The following ATRNL1 variants were observed in gnomAD, a reference collection of about 807,000 sequenced individuals.
The protein encoded by ATRNL1 is attractin-like protein 1.
A neutral mutation model predicts 182.7 loss-of-function variants in ATRNL1; 95 were observed. The observed-to-expected ratio is 0.52, with a 90% CI of 0.44 to 0.62. The LOEUF is 0.62. ATRNL1 is among the 20% of genes least tolerant of loss of function. The pLI, the probability that ATRNL1 is intolerant of heterozygous loss-of-function variation, is 0.00. For synonymous variants in ATRNL1, 576 were observed against 568.3 expected (o/e 1.01, Z -0.19); for missense variants, 1,471 against 1,679.5 (o/e 0.88, Z 2.17).
chr10:115,482,496 TA>T (rs1848814881), intron 24 of ATRNL1, among the ~76,000 whole-genome samples: 1 of 151,168 alleles, frequency 6.6e-6, no homozygotes, highest in African/African-American at 2.4e-5. Flanking sequence ...ATATTTATAA[TA>T]CTGAATCATA....
At chr10:115,887,493 T>A (rs1312452333) in intron 28 of ATRNL1, among the ~76,000 whole-genome samples, 1 of 152,094 alleles carries the variant, frequency 6.6e-6, no homozygotes, top group Non-Finnish European at 1.5e-5. Context: ...GGGCTCTCTT[T>A]TATAAGGGCA....
At chr10:115,923,795 G>A (rs1465436888) in intron 28 of ATRNL1, among the ~76,000 whole-genome samples, 2 of 152,148 alleles carry the variant, frequency 1.3e-5, no homozygotes, top group African/African-American at 4.8e-5. Context: ...GGGTCAAATG[G>A]CATATCTGGT....
chr10:115,461,895 G>T, intron 21 of ATRNL1, 46 bp from the exon 22 acceptor site: 1 of 1,422,716 alleles, frequency 7.0e-7, no homozygotes, highest in Non-Finnish European at 9.7e-7. Context: ...TTTTTAGACA[G>T]TTTTTAAAGT....
intron 7 of ATRNL1, 96 bp from the exon 8 acceptor site, chr10:115,170,941 A>G (rs1847264034): frequency 1.4e-6 from 1 of 718,548 alleles, no homozygotes; most frequent in South Asian, 5.0e-5. Flanking sequence ...GTGAACAATT[A>G]CTAAAATTTT....
intron 26 of ATRNL1, among the ~76,000 whole-genome samples, chr10:115,640,249 T>G (rs571674599): frequency 6.6e-6 from 1 of 152,314 alleles, no homozygotes; most frequent in African/African-American, 2.4e-5. Flanking sequence ...TGTGCATGTG[T>G]CTTTATAGTA....
chr10:115,376,994 GT>G lies in ATRNL1; in HGVS notation c.3176-17662del, dbSNP rs533560576. 9.9e-5 allele frequency among the ~76,000 whole-genome samples: 15 copies of G among 152,174 alleles called. No individual in the cohort carries two copies. In the South Asian group the frequency reaches 3.1e-3, roughly 32 times the overall value. On this transcript the variant is annotated intron_variant, in intron 19 of 28. Transcript: ENST00000355044. The stretch of plus-strand genomic sequence containing the variant: ...TTTCTTGTGTATGATTGAGTCTGCT[GT>G]TTAAACTCTCTATTGTGATTTTCAT...
chr10:115,567,483 A>AT (rs1489557401), intron 26 of ATRNL1, among the ~76,000 whole-genome samples: 2 of 152,118 alleles, frequency 1.3e-5, no homozygotes, highest in Non-Finnish European at 2.9e-5. Context: ...TTATGCAGAA[A>AT]TTTATATCAA....
chr10:115,096,296 T>G (rs1490335571), intron 1 of ATRNL1, among the ~76,000 whole-genome samples: 6 of 152,204 alleles, frequency 3.9e-5, no homozygotes, highest in Non-Finnish European at 7.3e-5. Flanking sequence ...ACGATCTGTG[T>G]TTTTATTATG....
intron 3 of ATRNL1, among the ~76,000 whole-genome samples, chr10:115,123,258 C>A (rs1592131329): frequency 6.6e-6 from 1 of 152,242 alleles, no homozygotes; most frequent in East Asian, 1.9e-4. Flanking sequence ...CTAGGCTAGG[C>A]AGTTTAAATG....
intron 28 of ATRNL1, among the ~76,000 whole-genome samples, chr10:115,936,334 C>T (rs6585375): frequency 0.11 from 16,971 of 152,162 alleles, 2,869 homozygotes; most frequent in African/African-American, 0.37. Context: ...TCCACTAAAA[C>T]GTAAACTCCA....
At chr10:115,663,938 G>A (rs1593031794) in intron 26 of ATRNL1, among the ~76,000 whole-genome samples, 1 of 152,210 alleles carries the variant, frequency 6.6e-6, no homozygotes. Flanking sequence ...TGGAATTCTA[G>A]CACCTGCCTT....
chr10:115,725,512 G>A (rs1328169480), intron 26 of ATRNL1, among the ~76,000 whole-genome samples: 1 of 152,174 alleles, frequency 6.6e-6, no homozygotes, highest in Non-Finnish European at 1.5e-5. Flanking sequence ...CTTGTCATAT[G>A]AGATGCCGTT....
intron 20 of ATRNL1, among the ~76,000 whole-genome samples, chr10:115,415,265 A>T (rs1396382798): frequency 3.9e-5 from 6 of 152,032 alleles, no homozygotes; most frequent in African/African-American, 1.4e-4. Flanking sequence ...GTTTTAATTT[A>T]TATTTCCATT....
intron 26 of ATRNL1, among the ~76,000 whole-genome samples, chr10:115,563,935 G>A (rs1457399982): frequency 6.6e-6 from 1 of 152,042 alleles, no homozygotes; most frequent in South Asian, 2.1e-4. Flanking sequence ...TAGTCTGGTT[G>A]ATTTTGATAT....
rs200989983 is a variant in ATRNL1, at chr10:115,937,619, A to G, written c.4019-7039A>G. Reference sequence around the variant, plus strand: ...TAAGTCTGCACAATAGTTAGAGTCTATGTAACATCAAAGTTTCCCAAAGTC... The same window carrying G: ...TAAGTCTGCACAATAGTTAGAGTCTGTGTAACATCAAAGTTTCCCAAAGTC... On this transcript the variant is annotated intron_variant, in intron 28 of 28. Transcript: ENST00000355044. 1.6e-4 allele frequency among the ~76,000 whole-genome samples: 24 copies of G among 152,344 alleles called. 1 individual carries two copies. In the East Asian group the frequency reaches 4.4e-3, roughly 28 times the overall value.
rs144846500 is a variant in ATRNL1 at position 115,761,649 on chromosome 10, T to C, written c.3903+34294T>C. 7.8e-3 allele frequency among the ~76,000 whole-genome samples: 1,184 copies of C among 152,266 alleles called. 10 individuals are homozygous for C. The highest frequency in any genetic ancestry group is 0.027 in the African/African-American group (1,119 of 41,544). ...GCACATTTGCTGTTGCTGGTGGTGTTGGTGTTGGGTTTTGTTTTGTTTTGT... is the reference window on the plus strand; with the variant it reads ...GCACATTTGCTGTTGCTGGTGGTGTCGGTGTTGGGTTTTGTTTTGTTTTGT... On this transcript the variant is annotated intron_variant, in intron 27 of 28. Transcript: ENST00000355044.
intron 25 of ATRNL1, among the ~76,000 whole-genome samples, chr10:115,522,340 G>A (rs950472546): frequency 6.6e-6 from 1 of 152,118 alleles, no homozygotes. Context: ...GCTGGCATGT[G>A]TAGCAATCAC....
chr10:115,850,116 T>A (rs1245045163), intron 28 of ATRNL1, among the ~76,000 whole-genome samples: 1 of 152,148 alleles, frequency 6.6e-6, no homozygotes, highest in Non-Finnish European at 1.5e-5. Flanking sequence ...ATTGCAGCAT[T>A]ATCTGTTATC....
intron 26 of ATRNL1, among the ~76,000 whole-genome samples, chr10:115,666,431 G>A (rs1027093210): frequency 3.3e-5 from 5 of 152,010 alleles, no homozygotes; most frequent in Non-Finnish European, 5.9e-5. Flanking sequence ...GAGTTGGCTC[G>A]GTTGCTTTGG....
Sources: allele counts gnomAD v4.1 joint callset (sites outside exome capture counted in the v4.1 genomes callset), GRCh38; gene constraint gnomAD v4.1.1; transcripts MANE v1.5; gene names NCBI Gene and HGNC (gene_info 2026-07-23, HGNC 2026-07-21).